Variants in RANBP2 observed in about 807,000 individuals in gnomAD.
The protein encoded by RANBP2 is RAN binding protein 2, also known as E3 SUMO-protein ligase RanBP2.
RANBP2 carries 57 observed loss-of-function variants against 303.6 expected under a neutral mutation model. The observed-to-expected ratio is 0.19, with a 90% CI of 0.15 to 0.23. The LOEUF is 0.23. RANBP2 is among the 10% of genes least tolerant of loss of function. The pLI, the probability that RANBP2 is intolerant of heterozygous loss-of-function variation, is 1.00. For synonymous variants in RANBP2, 1,167 were observed against 1,301.5 expected, an observed-to-expected ratio of 0.90 and a Z score of 2.23; for missense variants, 3,138 against 3,780.8, an observed-to-expected ratio of 0.83 and a Z score of 4.46.
chr2:109,688,409 G>GCAGT, the RANBP2 span, among the ~76,000 whole-genome samples: 4 of 152,028 alleles, frequency 2.6e-5, no homozygotes, highest in African/African-American at 7.2e-5. Flanking sequence ...CGCGACCCCT[G>GCAGT]CAGTCCCCTG....
chr2:109,709,370 T>TAAAATAAAATAAAATAAA, the RANBP2 span, among the ~76,000 whole-genome samples: 3 of 93,962 alleles, frequency 3.2e-5, no homozygotes, highest in East Asian at 3.7e-4. Context: ...AATAAAATAA[T>TAAAATAAAATAAAATAAA]AAAAATAACA....
chr2:109,465,025 T>C, the RANBP2 span, among the ~76,000 whole-genome samples: 1 of 152,252 alleles, frequency 6.6e-6, no homozygotes, highest in African/African-American at 2.4e-5. Flanking sequence ...ACTGCCTTCA[T>C]AGATTTGCCT....
At chr2:108,807,745 G>C in the RANBP2 span, among the ~76,000 whole-genome samples, 1 of 152,086 alleles carries the variant, frequency 6.6e-6, no homozygotes, top group Non-Finnish European at 1.5e-5. Flanking sequence ...AGCCTCCCGA[G>C]TATCTGGGAT....
At chr2:109,098,143 G>A in the RANBP2 span, among the ~76,000 whole-genome samples, 1 of 152,162 alleles carries the variant, frequency 6.6e-6, no homozygotes, top group Non-Finnish European at 1.5e-5. Flanking sequence ...GGAAGGAGGT[G>A]GAGAGAGCCT....
At chr2:108,977,208 C>G in the RANBP2 span, among the ~76,000 whole-genome samples, 3 of 152,168 alleles carry the variant, frequency 2.0e-5, no homozygotes, top group Admixed American at 1.3e-4. Flanking sequence ...CCCCATGGAC[C>G]ATCAGCACTG....
the RANBP2 span, among the ~76,000 whole-genome samples, chr2:108,970,344 A>G: frequency 6.6e-6 from 1 of 152,174 alleles, no homozygotes; most frequent in African/African-American, 2.4e-5. Flanking sequence ...CAGGACTATT[A>G]ATCTGCAAAT....
chr2:108,870,189 C>G, the RANBP2 span, among the ~76,000 whole-genome samples: 1 of 152,092 alleles, frequency 6.6e-6, no homozygotes, highest in Non-Finnish European at 1.5e-5. Flanking sequence ...GAACCAAATT[C>G]TGGAACTGGA....
chr2:109,408,580 C>A, the RANBP2 span, among the ~76,000 whole-genome samples: 1 of 152,364 alleles, frequency 6.6e-6, no homozygotes, highest in South Asian at 2.1e-4. Flanking sequence ...GTCCCCTCTA[C>A]CAGCCCGTGA....
chr2:109,038,373 C>T, the RANBP2 span, among the ~76,000 whole-genome samples: 5 of 152,022 alleles, frequency 3.3e-5, no homozygotes, highest in African/African-American at 1.2e-4. Context: ...GGTGGCTCAC[C>T]CTGTAATCCC....
chr2:109,018,472 C>T, the RANBP2 span, among the ~76,000 whole-genome samples: 1 of 152,150 alleles, frequency 6.6e-6, no homozygotes, highest in African/African-American at 2.4e-5. Context: ...ATCCTTCTGT[C>T]CCCCACCATC....
At chr2:109,557,218 AAACAT>A in the RANBP2 span, among the ~76,000 whole-genome samples, 2 of 152,190 alleles carry the variant, frequency 1.3e-5, no homozygotes, top group Non-Finnish European at 2.9e-5. Flanking sequence ...AATGCATAAC[AAACAT>A]AAGTTTTTTA....
chr2:108,945,386 G>A, the RANBP2 span, among the ~76,000 whole-genome samples: 3 of 152,230 alleles, frequency 2.0e-5, no homozygotes, highest in South Asian at 6.3e-4. Flanking sequence ...CAACGCCAAG[G>A]CATTTGGAAC....
At chr2:109,509,831 G>A in the RANBP2 span, among the ~76,000 whole-genome samples, 1 of 152,040 alleles carries the variant, frequency 6.6e-6, no homozygotes, top group East Asian at 1.9e-4. Flanking sequence ...TGAATTTTCG[G>A]GGAACATAAT....
the RANBP2 span, among the ~76,000 whole-genome samples, chr2:108,974,645 G>A: frequency 3.3e-5 from 5 of 151,950 alleles, no homozygotes; most frequent in African/African-American, 1.2e-4. Flanking sequence ...CAGGAGAATC[G>A]CTTGAACCCG....
the RANBP2 span, among the ~76,000 whole-genome samples, chr2:109,183,424 A>T: frequency 8.0e-3 from 1,224 of 152,304 alleles, 12 homozygotes; most frequent in East Asian, 0.04. Flanking sequence ...TCTACCTTAT[A>T]TCTAGATGCA....
At chr2:109,716,630 T>A in the RANBP2 span, among the ~76,000 whole-genome samples, 1 of 152,164 alleles carries the variant, frequency 6.6e-6, no homozygotes, top group Non-Finnish European at 1.5e-5. Flanking sequence ...TACTGCAGCC[T>A]CCACCTCCCA....
the RANBP2 span, among the ~76,000 whole-genome samples, chr2:108,945,210 C>A: frequency 6.6e-6 from 1 of 152,074 alleles, no homozygotes; most frequent in East Asian, 1.9e-4. Context: ...GCGAGCTCCC[C>A]GTCCTGGGGC....
At chr2:108,724,954 G>C (rs887077031) in intron 1 of RANBP2, among the ~76,000 whole-genome samples, 2 of 152,040 alleles carry the variant, frequency 1.3e-5, no homozygotes, top group Non-Finnish European at 2.9e-5. Context: ...GACAGAGTGA[G>C]ACTCCATCTG....
chr2:109,490,338 C>G, the RANBP2 span, among the ~76,000 whole-genome samples: 1 of 152,150 alleles, frequency 6.6e-6, no homozygotes. Context: ...AGCTCCAGGT[C>G]CTCTGCTTTA....
Sources: allele counts gnomAD v4.1 joint callset (sites outside exome capture counted in the v4.1 genomes callset), GRCh38; gene constraint gnomAD v4.1.1; transcripts MANE v1.5; gene names NCBI Gene and HGNC (gene_info 2026-07-23, HGNC 2026-07-21).